Variants in PTPN13 observed in about 807,000 individuals in gnomAD.
PTPN13 encodes tyrosine-protein phosphatase non-receptor type 13.
A neutral mutation model predicts 284.0 loss-of-function variants in PTPN13; 191 were observed. The observed-to-expected ratio is 0.67, with a 90% CI of 0.60 to 0.76. PTPN13 has a LOEUF of 0.76. Among genes scored for constraint, PTPN13 ranks in the 30% least tolerant of loss-of-function variants. The pLI, the probability that PTPN13 is intolerant of heterozygous loss-of-function variation, is 0.00. For synonymous variants in PTPN13, 986 were observed against 1,022.3 expected, an observed-to-expected ratio of 0.96 and a Z score of 0.68; for missense variants, 2,797 against 2,939.9, an observed-to-expected ratio of 0.95 and a Z score of 1.12.
At chr4:86,599,688 T>G (rs544163564) in intron 1 of PTPN13, among the ~76,000 whole-genome samples, 1 of 152,314 alleles carries the variant, frequency 6.6e-6, no homozygotes, top group South Asian at 2.1e-4. Flanking sequence ...TCCTTCAGAT[T>G]TATAATTTAA....
chr4:86,669,497 G>A (rs1727495214), intron 2 of PTPN13, among the ~76,000 whole-genome samples: 1 of 151,882 alleles, frequency 6.6e-6, no homozygotes, highest in African/African-American at 2.4e-5. Flanking sequence ...TAATAAAAAA[G>A]GAGAGATACA....
chr4:86,715,353 G>A (rs1468730024), intron 7 of PTPN13, among the ~76,000 whole-genome samples: 1 of 152,096 alleles, frequency 6.6e-6, no homozygotes, highest in Non-Finnish European at 1.5e-5. Flanking sequence ...TATATTGTGT[G>A]TATGTGTACA....
At position 86,807,623 on chromosome 4, in the gene PTPN13, T is replaced by C. The variant is rs1744792507; in HGVS notation, c.6809T>C (p.Ile2270Thr). Reference protein sequence around the residue: ...GGYINASFIKIPVGKEEFVYI... With the variant: ...GGYINASFIKTPVGKEEFVYI... ...TATATCAATGCCAGCTTCATTAAGATACCAGTTGGGAAAGAAGAGTTCGTT... is the reference window on the plus strand; with the variant it reads ...TATATCAATGCCAGCTTCATTAAGACACCAGTTGGGAAAGAAGAGTTCGTT... Residue 2270 changes from isoleucine (I) to threonine (T), a missense_variant, in exon 45 of 48, where the codon ATA (isoleucine) becomes ACA (threonine). By Grantham distance (89) the Ile-to-Thr change is moderately conservative (BLOSUM62 -1). Transcript: ENST00000411767. 6.2e-7 allele frequency: 1 copy of C among 1,613,968 alleles called. No individual in the cohort carries two copies. Among genetic ancestry groups the C allele is most frequent in the Non-Finnish European group, 8.5e-7 (1 of 1,179,870 alleles).
At chr4:86,629,425 A>G (rs546991864) in intron 1 of PTPN13, among the ~76,000 whole-genome samples, 7 of 151,378 alleles carry the variant, frequency 4.6e-5, no homozygotes, top group Admixed American at 2.0e-4. Context: ...TTAGAATGGC[A>G]ATCATTAAAA....
At chr4:86,778,533 A>C (rs757148925) in intron 35 of PTPN13, among the ~76,000 whole-genome samples, 1 of 152,234 alleles carries the variant, frequency 6.6e-6, no homozygotes. Flanking sequence ...ACCAGCTTCA[A>C]CTTACACTTG....
intron 19 of PTPN13, among the ~76,000 whole-genome samples, chr4:86,752,309 A>T (rs1737487765): frequency 6.6e-6 from 1 of 152,202 alleles, no homozygotes. Flanking sequence ...GAGTAAATGA[A>T]GACAAAAGAC....
intron 16 of PTPN13, among the ~76,000 whole-genome samples, chr4:86,743,264 AC>A (rs1320298322): frequency 6.6e-6 from 1 of 151,650 alleles, no homozygotes; most frequent in Non-Finnish European, 1.5e-5. Flanking sequence ...ATTAATATGA[AC>A]CTCTAACCTA....
At chr4:86,743,937 A>G (rs1736442492) in intron 16 of PTPN13, among the ~76,000 whole-genome samples, 1 of 152,198 alleles carries the variant, frequency 6.6e-6, no homozygotes, top group Non-Finnish European at 1.5e-5. Flanking sequence ...CTCCAGAGAC[A>G]TTAGTCTTAG....
chr4:86,600,949 T>C (rs1313879564), intron 1 of PTPN13, among the ~76,000 whole-genome samples: 1 of 152,084 alleles, frequency 6.6e-6, no homozygotes, highest in Non-Finnish European at 1.5e-5. Flanking sequence ...GTCTTTTATA[T>C]TTCTGACTTT....
At chr4:86,779,438 G>T (rs895354803) in intron 35 of PTPN13, among the ~76,000 whole-genome samples, 2 of 151,284 alleles carry the variant, frequency 1.3e-5, no homozygotes, top group African/African-American at 2.4e-5. Flanking sequence ...AAAAAATGAT[G>T]TATGTGGGCC....
chr4:86,752,816 C>A (rs776866375), intron 19 of PTPN13, among the ~76,000 whole-genome samples, 193 bp from the exon 20 acceptor site: 3 of 151,990 alleles, frequency 2.0e-5, no homozygotes, highest in Non-Finnish European at 2.9e-5. Context: ...ATTTATGCTG[C>A]AAAATAAGTT....
chr4:86,768,609 G>T (rs1739598150), intron 28 of PTPN13, among the ~76,000 whole-genome samples: 1 of 151,302 alleles, frequency 6.6e-6, no homozygotes, highest in South Asian at 2.1e-4. Context: ...CCAAAATAAT[G>T]AGAAAAAATA....
At chr4:86,613,011 A>G (rs779676626) in intron 1 of PTPN13, among the ~76,000 whole-genome samples, 1 of 152,240 alleles carries the variant, frequency 6.6e-6, no homozygotes, top group Admixed American at 6.5e-5. Flanking sequence ...TACCAAATGG[A>G]TTTACACAAC....
chr4:86,753,209 A>C, intron 20 of PTPN13, 144 bp downstream of exon 20: 1 of 528,116 alleles, frequency 1.9e-6, no homozygotes, highest in African/African-American at 1.9e-5. Flanking sequence ...TGTATTTTTC[A>C]GCATCATAAT....
At chr4:86,661,971 A>G (rs1456225526) in intron 2 of PTPN13, among the ~76,000 whole-genome samples, 1 of 152,242 alleles carries the variant, frequency 6.6e-6, no homozygotes, top group East Asian at 1.9e-4. Context: ...TTTTAACTTG[A>G]AACTTTGTCT....
intron 1 of PTPN13, among the ~76,000 whole-genome samples, chr4:86,614,202 CTG>C (rs1213991268): frequency 6.6e-6 from 1 of 152,114 alleles, no homozygotes; most frequent in East Asian, 1.9e-4. Flanking sequence ...AAGACAAAAT[CTG>C]TGTCAGTAAA....
intron 1 of PTPN13, among the ~76,000 whole-genome samples, chr4:86,612,053 A>G (rs1279084140): frequency 6.6e-6 from 1 of 152,216 alleles, no homozygotes; most frequent in South Asian, 2.1e-4. Flanking sequence ...GTGAGGAATA[A>G]TTAGCCCTAG....
chr4:86,627,795 A>G (rs998944718), intron 1 of PTPN13, among the ~76,000 whole-genome samples: 1 of 152,172 alleles, frequency 6.6e-6, no homozygotes, highest in African/African-American at 2.4e-5. Context: ...ATAATTTTGT[A>G]TAAATGTAAT....
At chr4:86,708,979 C>A (rs1732072176) in intron 7 of PTPN13, among the ~76,000 whole-genome samples, 1 of 151,882 alleles carries the variant, frequency 6.6e-6, no homozygotes, top group Admixed American at 6.6e-5. Context: ...TCCCTTCTTT[C>A]TTACTCTCTT....
Sources: gnomAD v4.1 joint callset for allele counts (sites outside exome capture counted in the v4.1 genomes callset) on GRCh38, gnomAD v4.1.1 for gene constraint, MANE v1.5 for transcripts, NCBI Gene and HGNC (gene_info 2026-07-23, HGNC 2026-07-21) for gene names.